The following MICAL2 variants were observed in gnomAD, a reference collection of about 807,000 sequenced individuals.
The protein encoded by MICAL2 is microtubule associated monooxygenase, calponin and LIM domain containing 2.
In MICAL2, 77 loss-of-function variants were observed where a neutral mutation model predicts 127.3. The ratio of observed to expected loss-of-function variants is 0.60; its 90% CI spans 0.50 to 0.73. The LOEUF (loss-of-function observed/expected upper bound fraction) is 0.73, where lower values mean the gene tolerates loss of function less well. Ranked by LOEUF, MICAL2 falls within the 30% of genes least tolerant of loss-of-function variation. The pLI is 0.00. For synonymous variants in MICAL2, 570 were observed against 551.1 expected (o/e 1.03, Z -0.48); for missense variants, 1,351 against 1,434.4 (o/e 0.94, Z 0.94).
chr11:12,343,785 G>A (rs1017012441), intron 32 of MICAL2, among the ~76,000 whole-genome samples: 1 of 152,170 alleles, frequency 6.6e-6, no homozygotes, highest in Non-Finnish European at 1.5e-5. Context: ...ACGAGGAAAG[G>A]CAGAATTCTC....
At chr11:12,163,063 C>T (rs1590135998) in intron 3 of MICAL2, among the ~76,000 whole-genome samples, 1 of 152,338 alleles carries the variant, frequency 6.6e-6, no homozygotes, top group East Asian at 1.9e-4. Flanking sequence ...GCATTCTCCA[C>T]CTGCCCACTC....
chr11:12,301,501 CTGTT>C (rs746492473), intron 29 of MICAL2, among the ~76,000 whole-genome samples: 8 of 152,162 alleles, frequency 5.3e-5, no homozygotes, highest in Non-Finnish European at 1.0e-4. Flanking sequence ...GTGCTTGTGT[CTGTT>C]GAGTATTGCT....
chr11:12,195,096 A>AT (rs974083079), intron 3 of MICAL2, among the ~76,000 whole-genome samples: 60 of 152,032 alleles, frequency 3.9e-4, no homozygotes, highest in African/African-American at 1.4e-3. Context: ...TCTCTACAAC[A>AT]TTTTTTTGTA....
downstream of MICAL2, chr11:12,293,866 G>A: frequency 6.2e-7 from 1 of 1,609,676 alleles, no homozygotes; most frequent in South Asian, 1.1e-5. Flanking sequence ...CAGGGCAAGA[G>A]CTATCTCCCT....
chr11:12,361,604 T>C (rs1939205816), downstream of MICAL2, among the ~76,000 whole-genome samples: 1 of 152,192 alleles, frequency 6.6e-6, no homozygotes, highest in African/African-American at 2.4e-5. Context: ...ACTTTGGCAG[T>C]GTTAGGCTGC....
At chr11:12,262,784 C>A in intron 27 of MICAL2, 1 of 477,508 alleles carries the variant, frequency 2.1e-6, no homozygotes, top group Non-Finnish European at 3.8e-6. Flanking sequence ...CGCCTCTCCT[C>A]TCTCCCTTGG....
rs5789713 is a variant in MICAL2 at position 12,134,826 on chromosome 11, C to CAA, written c.-148-3555_-148-3554dup. Among the ~76,000 whole-genome samples, 331 of 149,806 alleles carry CAA rather than the reference C, an allele frequency of 2.2e-3. 2 individuals carry two copies. Among genetic ancestry groups the CAA allele is most frequent in the Middle Eastern group, 3.5e-3 (1 of 288 alleles). On this transcript the variant is annotated intron_variant, in intron 1 of 27. Transcript: ENST00000683283. ...TCAATATAGCAAGAGCTTGTCTCTA[C>CAA]AAAAAAAAAATTAAATTAAAAAGGA...
downstream of MICAL2, among the ~76,000 whole-genome samples, chr11:12,287,919 T>C (rs551743436): frequency 1.5e-3 from 235 of 152,218 alleles, 1 homozygote; most frequent in African/African-American, 5.4e-3. Flanking sequence ...CCACTCCCTC[T>C]CCAGCCTCAC....
At chr11:12,226,480 G>A in intron 14 of MICAL2, 110 bp downstream of exon 14, 1 of 1,152,428 alleles carries the variant, frequency 8.7e-7, no homozygotes, top group Non-Finnish European at 1.2e-6. Flanking sequence ...TGCCCAGTGT[G>A]TTCCCCTTGA....
intron 20 of MICAL2, 54 bp from the exon 21 acceptor site, chr11:12,243,933 A>G (rs372901233): frequency 1.9e-6 from 3 of 1,601,574 alleles, no homozygotes; most frequent in African/African-American, 1.3e-5. Flanking sequence ...GGCATGTATC[A>G]CCATGTGTGA....
At chr11:12,173,043 A>G (rs1856456031) in intron 3 of MICAL2, among the ~76,000 whole-genome samples, 1 of 152,100 alleles carries the variant, frequency 6.6e-6, no homozygotes, top group Non-Finnish European at 1.5e-5. Flanking sequence ...ATTTTTATGT[A>G]TTATAATTAT....
At chr11:12,153,689 A>T (rs2133741607) in intron 2 of MICAL2, among the ~76,000 whole-genome samples, 1 of 152,252 alleles carries the variant, frequency 6.6e-6, no homozygotes, top group East Asian at 1.9e-4. Flanking sequence ...CACCTATTTA[A>T]TAATAACTCT....
chr11:12,202,164 C>G (rs1362421632), intron 3 of MICAL2, among the ~76,000 whole-genome samples: 1 of 152,094 alleles, frequency 6.6e-6, no homozygotes, highest in Non-Finnish European at 1.5e-5. Flanking sequence ...CAGACCAACT[C>G]TCATCTCTTT....
intron 1 of MICAL2, among the ~76,000 whole-genome samples, chr11:12,115,154 C>A (rs539200694): frequency 6.6e-6 from 1 of 152,218 alleles, no homozygotes; most frequent in Non-Finnish European, 1.5e-5. Context: ...TGGGGCAGGT[C>A]GTGATGGAAA....
chr11:12,142,757 A>T (rs752190920), intron 2 of MICAL2, among the ~76,000 whole-genome samples: 10 of 152,226 alleles, frequency 6.6e-5, no homozygotes, highest in Non-Finnish European at 1.2e-4. Context: ...TACCTGTTGT[A>T]CTGAGGAGAA....
intron 1 of MICAL2, among the ~76,000 whole-genome samples, chr11:12,134,826 CAA>C (rs5789713): frequency 1.3e-5 from 2 of 149,726 alleles, no homozygotes; most frequent in African/African-American, 4.9e-5. Context: ...CTTGTCTCTA[CAA>C]AAAAAAAATT....
intron 30 of MICAL2, among the ~76,000 whole-genome samples, chr11:12,320,772 G>C (rs933887022): frequency 6.6e-6 from 1 of 152,038 alleles, no homozygotes; most frequent in Non-Finnish European, 1.5e-5. Flanking sequence ...CTTGGAGCAA[G>C]GCAGGAGGGG....
chr11:12,239,372 A>G (rs555478477), intron 16 of MICAL2, 64 bp from the exon 17 acceptor site: 5 of 1,607,838 alleles, frequency 3.1e-6, no homozygotes, highest in East Asian at 4.5e-5. Context: ...TGAGTCCCCA[A>G]GTCTGCTTTC....
intron 2 of MICAL2, among the ~76,000 whole-genome samples, chr11:12,140,785 AGT>A (rs1295312533): frequency 1.3e-5 from 2 of 152,232 alleles, no homozygotes; most frequent in Non-Finnish European, 2.9e-5. Context: ...ACAGACCTTC[AGT>A]GACCCATCTA....
Sources: gnomAD v4.1 joint callset for allele counts (sites outside exome capture counted in the v4.1 genomes callset) on GRCh38, gnomAD v4.1.1 for gene constraint, MANE v1.5 for transcripts, NCBI Gene and HGNC (gene_info 2026-07-23, HGNC 2026-07-21) for gene names.